The following SNTB1 variants were observed in gnomAD, a reference collection of about 807,000 sequenced individuals.
The protein encoded by SNTB1 is syntrophin beta 1.
A neutral mutation model predicts 48.9 loss-of-function variants in SNTB1; 36 were observed. The ratio of observed to expected loss-of-function variants is 0.74; its 90% CI spans 0.56 to 0.97. The LOEUF (loss-of-function observed/expected upper bound fraction) is 0.97. Among genes scored for constraint, SNTB1 ranks in the 50% least tolerant of loss-of-function variants. The pLI is 0.00. For missense variants in SNTB1, 786 were observed against 703.4 expected (o/e 1.12, Z -1.33); for synonymous variants, 299 against 294.6 (o/e 1.01, Z -0.15).
intron 1 of SNTB1, among the ~76,000 whole-genome samples, chr8:120,760,661 T>G (rs1819403333): frequency 6.6e-6 from 1 of 152,048 alleles, no homozygotes; most frequent in Admixed American, 6.6e-5. Flanking sequence ...AAAGTAACCA[T>G]TTTTAAATAC....
intron 5 of SNTB1, among the ~76,000 whole-genome samples, chr8:120,543,852 C>T (rs562396365): frequency 6.6e-6 from 1 of 152,320 alleles, no homozygotes; most frequent in East Asian, 1.9e-4. Context: ...TCCTTCTGCG[C>T]ACAGTCCCTG....
chr8:120,712,968 C>T (rs914193380), intron 1 of SNTB1, among the ~76,000 whole-genome samples: 1 of 152,122 alleles, frequency 6.6e-6, no homozygotes, highest in Non-Finnish European at 1.5e-5. Flanking sequence ...ATTGCCAGTA[C>T]CCCGTCATGT....
Position 120,715,768 on chromosome 8 carries a change from C to A in SNTB1, c.572-21860G>T, listed in dbSNP as rs114286379. Among the ~76,000 whole-genome samples, 912 of 152,264 alleles carry A rather than the reference C, an allele frequency of 6.0e-3. 9 individuals carry two copies. The highest frequency in any genetic ancestry group is 0.021 in the African/African-American group (878 of 41,548). Reference sequence around the variant, plus strand: ...TTCCTTTTTTTCCCCCTCCTTGTTTCATTTATTGAGTGCGCCCTTTATTCG... The same window carrying A: ...TTCCTTTTTTTCCCCCTCCTTGTTTAATTTATTGAGTGCGCCCTTTATTCG... On this transcript the variant is annotated intron_variant, in intron 1 of 6. Coordinates refer to ENST00000517992, the MANE Select transcript of SNTB1 (RefSeq NM_021021.4).
chr8:120,616,888 T>C (rs960471232), intron 3 of SNTB1, among the ~76,000 whole-genome samples: 7 of 152,212 alleles, frequency 4.6e-5, no homozygotes, highest in Admixed American at 6.5e-5. Flanking sequence ...TTGCTGAAGA[T>C]GCCTGTGCTC....
At chr8:120,717,229 G>A (rs1048772470) in intron 1 of SNTB1, among the ~76,000 whole-genome samples, 1 of 152,210 alleles carries the variant, frequency 6.6e-6, no homozygotes, top group Non-Finnish European at 1.5e-5. Flanking sequence ...TAATGGAAAT[G>A]CAGCTTAATG....
chr8:120,743,748 T>C (rs1309545184), intron 1 of SNTB1, among the ~76,000 whole-genome samples: 1 of 152,214 alleles, frequency 6.6e-6, no homozygotes, highest in East Asian at 1.9e-4. Flanking sequence ...AATCTGTTCC[T>C]AAACTTGTGT....
chr8:120,583,796 A>G (rs1587008045), intron 3 of SNTB1, among the ~76,000 whole-genome samples: 1 of 152,206 alleles, frequency 6.6e-6, no homozygotes, highest in East Asian at 1.9e-4. Context: ...CAAAAATAGA[A>G]AACTATAAAC....
chr8:120,784,218 T>A (rs1462756840), intron 1 of SNTB1, among the ~76,000 whole-genome samples: 1 of 152,118 alleles, frequency 6.6e-6, no homozygotes, highest in East Asian at 1.9e-4. Context: ...GGTTTTGAAC[T>A]CCTGACCTCA....
chr8:120,705,198 C>T (rs533478476), intron 1 of SNTB1, among the ~76,000 whole-genome samples: 1 of 152,316 alleles, frequency 6.6e-6, no homozygotes, highest in African/African-American at 2.4e-5. Flanking sequence ...GAGTCTGACC[C>T]TGGGGTCCAA....
intron 2 of SNTB1, among the ~76,000 whole-genome samples, chr8:120,649,786 G>T (rs1379827254): frequency 4.6e-5 from 7 of 152,168 alleles, no homozygotes; most frequent in Admixed American, 3.3e-4. Flanking sequence ...CCTTGCAGTT[G>T]GATCTCAGAC....
chr8:120,660,499 T>C (rs1395422877), intron 2 of SNTB1, among the ~76,000 whole-genome samples: 1 of 152,240 alleles, frequency 6.6e-6, no homozygotes, highest in East Asian at 1.9e-4. Context: ...GTTAGGGCCT[T>C]GCTCTGGATT....
intron 1 of SNTB1, chr8:120,776,522 G>A (rs928048973): frequency 1.3e-5 from 2 of 152,148 alleles, no homozygotes; most frequent in African/African-American, 4.8e-5. Context: ...CTGTGGACAC[G>A]TTATGATGTT....
At chr8:120,805,575 C>T (rs1820322253) in intron 1 of SNTB1, among the ~76,000 whole-genome samples, 1 of 151,990 alleles carries the variant, frequency 6.6e-6, no homozygotes, top group South Asian at 2.1e-4. Context: ...AAAAGGTTCT[C>T]CCCTAGACAT....
chr8:120,538,381 C>T lies in SNTB1; in HGVS notation c.*496G>A. Reference sequence around the variant, plus strand: ...TTCTATTTGAAATATTTTTCTTTTCCTACAAGGGAAAGTCAACTCAGCAAG... The same window carrying T: ...TTCTATTTGAAATATTTTTCTTTTCTTACAAGGGAAAGTCAACTCAGCAAG... On this transcript the variant is annotated 3_prime_UTR_variant, in exon 7 of 7. Transcript: ENST00000517992. The T allele has an allele frequency of 1.4e-5, 3 of 210,718 alleles. No homozygotes were observed. The highest frequency in any genetic ancestry group is 1.0e-4 in the East Asian group (1 of 10,044). 13.1% of individuals were successfully genotyped at this position (210,718 alleles called of 1,614,324 possible).
chr8:120,626,850 T>C (rs1373908985), intron 3 of SNTB1, among the ~76,000 whole-genome samples: 1 of 152,252 alleles, frequency 6.6e-6, no homozygotes, highest in African/African-American at 2.4e-5. Flanking sequence ...GTTGCTATCT[T>C]GAACAGTATC....
In SNTB1 at chr8:120,705,167, G is replaced by A. The variant is rs1818361921; in HGVS notation, c.572-11259C>T. ...TTAAATGACAGACATTAGCACAAAA[G>A]AGTGACGTGCATAAACTTTGGAGTC... On this transcript the variant is annotated intron_variant, in intron 1 of 6. Coordinates refer to ENST00000517992, the MANE Select transcript of SNTB1 (RefSeq NM_021021.4). 1.3e-5 allele frequency among the ~76,000 whole-genome samples: 2 copies of A among 152,216 alleles called. 1 individual carries two copies. Among genetic ancestry groups the A allele is most frequent in the South Asian group, 4.1e-4 (2 of 4,834 alleles).
chr8:120,702,656 C>G (rs1292824231), intron 1 of SNTB1, among the ~76,000 whole-genome samples: 4 of 152,200 alleles, frequency 2.6e-5, no homozygotes, highest in Non-Finnish European at 5.9e-5. Context: ...CCACGCCAGG[C>G]ACTGGGCTGA....
chr8:120,705,935 G>C (rs1272679356), intron 1 of SNTB1, among the ~76,000 whole-genome samples: 2 of 152,176 alleles, frequency 1.3e-5, no homozygotes, highest in African/African-American at 4.8e-5. Context: ...TCTAGAGTCA[G>C]AGCATCTGGG....
At chr8:120,549,190 T>C (rs1366030111) in intron 4 of SNTB1, among the ~76,000 whole-genome samples, 1 of 152,192 alleles carries the variant, frequency 6.6e-6, no homozygotes, top group Admixed American at 6.5e-5. Flanking sequence ...ATGACTTTAA[T>C]TTGTGCAAAT....
Sources: allele counts gnomAD v4.1 joint callset (sites outside exome capture counted in the v4.1 genomes callset), GRCh38; gene constraint gnomAD v4.1.1; transcripts MANE v1.5; gene names NCBI Gene and HGNC (gene_info 2026-07-23, HGNC 2026-07-21).